MAST4: variants seen among roughly 807,000 people sequenced by gnomAD.
The protein encoded by MAST4 is microtubule-associated serine/threonine-protein kinase 4.
MAST4 carries 89 observed loss-of-function variants against 162.7 expected under a neutral mutation model. The observed-to-expected ratio is 0.55, with a 90% CI of 0.46 to 0.65. The LOEUF is 0.65. MAST4 is among the 30% of genes least tolerant of loss of function. The pLI is 0.00. For missense variants in MAST4, 3,153 were observed against 3,374.0 expected, an observed-to-expected ratio of 0.93 and a Z score of 1.62; for synonymous variants, 1,479 against 1,361.1, an observed-to-expected ratio of 1.09 and a Z score of -1.91.
intron 1 of MAST4, among the ~76,000 whole-genome samples, chr5:66,666,631 A>C (rs578108720): frequency 6.6e-6 from 1 of 152,352 alleles, no homozygotes; most frequent in East Asian, 1.9e-4. Flanking sequence ...AATAAGCATG[A>C]AACCACTTTG....
At chr5:66,941,624 G>T (rs1163031013) in intron 4 of MAST4, among the ~76,000 whole-genome samples, 1 of 152,164 alleles carries the variant, frequency 6.6e-6, no homozygotes, top group African/African-American at 2.4e-5. Context: ...CCATTTGTGT[G>T]TTCACTGGAG....
At chr5:67,006,352 A>G (rs1478220500) in intron 4 of MAST4, among the ~76,000 whole-genome samples, 2 of 152,126 alleles carry the variant, frequency 1.3e-5, no homozygotes, top group Non-Finnish European at 2.9e-5. Flanking sequence ...ATGGTCAGAG[A>G]CCCTCTCTTG....
intron 4 of MAST4, among the ~76,000 whole-genome samples, chr5:66,940,490 G>A (rs1158855717): frequency 1.3e-5 from 2 of 152,010 alleles, no homozygotes; most frequent in African/African-American, 2.4e-5. Context: ...TTATTTCAAC[G>A]TTGTTCATAG....
At chr5:67,013,554 G>A (rs752978602) in intron 4 of MAST4, among the ~76,000 whole-genome samples, 27 of 152,042 alleles carry the variant, frequency 1.8e-4, no homozygotes, top group Non-Finnish European at 2.9e-4. Context: ...TATGTCTCAC[G>A]CTTTACTGGG....
At position 66,799,386 on chromosome 5, in the gene MAST4, G is replaced by A. The variant is rs143089973; in HGVS notation, c.642+10592G>A. On this transcript the variant is annotated intron_variant, in intron 3 of 28. Coordinates refer to ENST00000403625, the MANE Select transcript of MAST4 (RefSeq NM_001164664.2). ...ATTATATAATTAAGTAGGACTGGAA[G>A]CATCTCTTCCTGCCTTCTCCCCCTT... 2.0e-3 allele frequency among the ~76,000 whole-genome samples: 305 copies of A among 152,272 alleles called. 2 individuals are homozygous for A. The highest frequency in any genetic ancestry group is 7.0e-3 in the African/African-American group (291 of 41,560).
At chr5:66,770,672 T>G (rs1754319144) in intron 2 of MAST4, among the ~76,000 whole-genome samples, 1 of 152,176 alleles carries the variant, frequency 6.6e-6, no homozygotes, top group Non-Finnish European at 1.5e-5. Flanking sequence ...ACTTTAAGAA[T>G]CAGAGTCATT....
chr5:67,030,674 A>G (rs1353035454), intron 4 of MAST4, among the ~76,000 whole-genome samples: 1 of 152,110 alleles, frequency 6.6e-6, no homozygotes, highest in East Asian at 1.9e-4. Flanking sequence ...AGTTTAGTTT[A>G]AAACATTAAA....
chr5:66,828,929 C>A, intron 3 of MAST4: 1 of 1,465,304 alleles, frequency 6.8e-7, no homozygotes, highest in Non-Finnish European at 9.4e-7. Flanking sequence ...CAGTGGCCAG[C>A]CATTGAGGAT....
chr5:66,788,902 T>C, intron 3 of MAST4, 108 bp downstream of exon 3: 1 of 1,317,144 alleles, frequency 7.6e-7, no homozygotes, highest in Non-Finnish European at 9.9e-7. Flanking sequence ...CATGTGACGT[T>C]AAGCACATAT....
intron 4 of MAST4, among the ~76,000 whole-genome samples, chr5:66,922,975 G>A (rs1243695660): frequency 1.3e-5 from 2 of 152,116 alleles, no homozygotes; most frequent in East Asian, 1.9e-4. Flanking sequence ...GCATCCAACC[G>A]TGGAGCATAA....
chr5:67,055,175 C>G (rs1425344348), intron 5 of MAST4, among the ~76,000 whole-genome samples: 1 of 152,002 alleles, frequency 6.6e-6, no homozygotes, highest in Non-Finnish European at 1.5e-5. Context: ...AAAGGGAATT[C>G]TCAGTGTATG....
chr5:66,957,229 G>A (rs1345569461), intron 4 of MAST4, among the ~76,000 whole-genome samples: 3 of 152,086 alleles, frequency 2.0e-5, no homozygotes, highest in Non-Finnish European at 4.4e-5. Context: ...GGTGGTAACT[G>A]ATTTTTTTCT....
At chr5:67,026,550 T>A (rs1348936072) in intron 4 of MAST4, among the ~76,000 whole-genome samples, 1 of 152,246 alleles carries the variant, frequency 6.6e-6, no homozygotes, top group Non-Finnish European at 1.5e-5. Context: ...TTTCAGGTTA[T>A]AAGATCCTCT....
intron 3 of MAST4, among the ~76,000 whole-genome samples, chr5:66,829,778 A>C (rs1757475690): frequency 6.6e-6 from 1 of 152,112 alleles, no homozygotes; most frequent in Admixed American, 6.6e-5. Context: ...TAAGTCTTTG[A>C]ATTTCAGCTG....
chr5:66,604,004 A>C (rs2149385145), intron 1 of MAST4, among the ~76,000 whole-genome samples: 1 of 152,132 alleles, frequency 6.6e-6, no homozygotes, highest in Non-Finnish European at 1.5e-5. Flanking sequence ...CCCTTTCTTC[A>C]CCCTTCTCTC....
intron 6 of MAST4, chr5:67,093,494 C>T (rs994364727): frequency 1.3e-5 from 4 of 317,368 alleles, no homozygotes; most frequent in Admixed American, 3.3e-5. Context: ...ATGCAGTGGT[C>T]CTTTGTGCTC....
intron 3 of MAST4, among the ~76,000 whole-genome samples, chr5:66,796,535 A>G (rs1755656526): frequency 6.6e-6 from 1 of 152,152 alleles, no homozygotes; most frequent in African/African-American, 2.4e-5. Flanking sequence ...AGACCAGTCA[A>G]GTGTGACTTC....
In MAST4 at chr5:67,166,125, G is replaced by A. The variant is rs1409516022; in HGVS notation, c.6946G>A (p.Ala2316Thr). 1.9e-6 allele frequency: 3 copies of A among 1,603,308 alleles called. No individual in the cohort carries two copies. Among genetic ancestry groups the A allele is most frequent in the African/African-American group, 2.7e-5 (2 of 74,670 alleles). ...GGGACACCCAGGGCCTAGTGAGCCAGCGGACCAGAAACTGTCCGCTGTTGG... is the reference window on the plus strand; with the variant it reads ...GGGACACCCAGGGCCTAGTGAGCCAACGGACCAGAAACTGTCCGCTGTTGG... ...RPGHPGPSEP[A>T]DQKLSAVGEK... Residue 2316 changes from alanine (A) to threonine (T), a missense_variant, in exon 29 of 29, where the codon GCG (alanine) becomes ACG (threonine). This residue lies in a region of MAST4 where 1,644 missense variants were observed against 1,495.0 expected (regional missense o/e 1.10). Transcript: ENST00000403625.
intron 4 of MAST4, among the ~76,000 whole-genome samples, chr5:67,014,096 T>G (rs79368642): frequency 7.3e-6 from 1 of 136,200 alleles, no homozygotes; most frequent in East Asian, 2.0e-4. Context: ...CTATGTCAGA[T>G]TTTTTTTTTT....
Sources: allele counts gnomAD v4.1 joint callset (sites outside exome capture counted in the v4.1 genomes callset), GRCh38; gene constraint gnomAD v4.1.1; regional missense constraint gnomAD v4.1.1; transcripts MANE v1.5; gene names NCBI Gene and HGNC (gene_info 2026-07-23, HGNC 2026-07-21).